The following SLC25A26 variants were observed in gnomAD, a reference collection of about 807,000 sequenced individuals.
SLC25A26 encodes the protein mitochondrial S-adenosylmethionine carrier protein.
In SLC25A26, 36 loss-of-function variants were observed where a neutral mutation model predicts 37.8. The ratio of observed to expected loss-of-function variants is 0.95; its 90% CI spans 0.73 to 1.26. The LOEUF is 1.26. Among genes scored for constraint, SLC25A26 ranks in the 50% most tolerant of loss-of-function variants. The pLI, the probability that SLC25A26 is intolerant of heterozygous loss-of-function variation, is 0.00. For missense variants in SLC25A26, 390 were observed against 331.1 expected (o/e 1.18, Z -1.38); for synonymous variants, 129 against 122.5 (o/e 1.05, Z -0.35).
rs1270525731 is a variant in SLC25A26 at position 66,369,495 on chromosome 3, G to T, written c.586G>T (p.Val196Phe). 1 of 1,605,266 alleles carries T rather than the reference G, an allele frequency of 6.2e-7. No individual in the cohort carries two copies. The highest frequency in any genetic ancestry group is 1.3e-5 in the African/African-American group (1 of 74,846). ...TTGTACAGGTGGATTTGCCGCTGCAGTCACCACCCCTCTAGACGTGGCAAA... is the reference window on the plus strand; with the variant it reads ...TTGTACAGGTGGATTTGCCGCTGCATTCACCACCCCTCTAGACGTGGCAAA... ...GAFAGGFAAA[V>F]TTPLDVAKTR... Residue 196 changes from valine to phenylalanine, a missense_variant, in exon 8 of 10, where the codon GTC (valine) becomes TTC (phenylalanine). By Grantham distance (50) the Val-to-Phe change is conservative. Coordinates refer to ENST00000354883, the MANE Select transcript of SLC25A26 (RefSeq NM_001379210.1).
Position 66,323,132 on chromosome 3 carries a change from G to A in SLC25A26, c.454-23232G>A, listed in dbSNP as rs1306065215. 3.3e-5 allele frequency among the ~76,000 whole-genome samples: 5 copies of A among 152,164 alleles called. 1 individual carries two copies. Among genetic ancestry groups the A allele is most frequent in the Admixed American group, 3.3e-4 (5 of 15,278 alleles). ...TGCCTCTTTCCTCTCTGAGGTGGAA[G>A]AGCATGAGGCTACTAATGTGTGTAA... On this transcript the variant is annotated intron_variant, in intron 5 of 9. Coordinates refer to ENST00000354883, the MANE Select transcript of SLC25A26 (RefSeq NM_001379210.1).
intron 5 of SLC25A26, among the ~76,000 whole-genome samples, chr3:66,302,116 T>C (rs921960645): frequency 6.6e-6 from 1 of 152,222 alleles, no homozygotes; most frequent in Non-Finnish European, 1.5e-5. Flanking sequence ...TCACTTAGCT[T>C]TATCCCCAGT....
At chr3:66,376,770 G>A (rs1018630112) in intron 9 of SLC25A26, among the ~76,000 whole-genome samples, 8 of 152,284 alleles carry the variant, frequency 5.3e-5, no homozygotes, top group African/African-American at 1.9e-4. Flanking sequence ...AAGGTTCAAA[G>A]GTTATGGAAG....
chr3:66,357,831 G>C (rs1207498259), intron 6 of SLC25A26, among the ~76,000 whole-genome samples: 1 of 152,128 alleles, frequency 6.6e-6, no homozygotes, highest in East Asian at 1.9e-4. Context: ...GTATATGATA[G>C]TGAGGAAACA....
intron 5 of SLC25A26, among the ~76,000 whole-genome samples, chr3:66,310,234 AC>A (rs975337052): frequency 6.6e-6 from 1 of 151,768 alleles, no homozygotes; most frequent in Non-Finnish European, 1.5e-5. Context: ...TGTTGAATTG[AC>A]CCCTTTGCCG....
At chr3:66,283,853 A>C (rs765174675) in intron 5 of SLC25A26, among the ~76,000 whole-genome samples, 3 of 152,228 alleles carry the variant, frequency 2.0e-5, no homozygotes, top group Non-Finnish European at 4.4e-5. Context: ...TGAGACTTCT[A>C]TCTCTTGAAC....
intron 6 of SLC25A26, among the ~76,000 whole-genome samples, chr3:66,354,723 C>T (rs1014558502): frequency 1.3e-5 from 2 of 152,034 alleles, no homozygotes; most frequent in Non-Finnish European, 2.9e-5. Context: ...AATCTGGTGT[C>T]GGGGAGGAAC....
chr3:66,225,246 T>A (rs941005801), intron 1 of SLC25A26, among the ~76,000 whole-genome samples: 1 of 152,148 alleles, frequency 6.6e-6, no homozygotes, highest in African/African-American at 2.4e-5. Flanking sequence ...GGCCTGGACA[T>A]CCCGACGTTT....
chr3:66,289,373 T>G (rs1046485868), intron 5 of SLC25A26, among the ~76,000 whole-genome samples: 2 of 152,194 alleles, frequency 1.3e-5, no homozygotes, highest in African/African-American at 4.8e-5. Context: ...TTGCTTTTGG[T>G]GTTTTAGTCA....
intron 3 of SLC25A26, among the ~76,000 whole-genome samples, chr3:66,260,459 G>A (rs2073481459): frequency 6.6e-6 from 1 of 152,216 alleles, no homozygotes; most frequent in Admixed American, 6.5e-5. Flanking sequence ...ATATCGTTTT[G>A]TAAATCTTGT....
chr3:66,342,279 G>T (rs2076226809), intron 5 of SLC25A26, among the ~76,000 whole-genome samples: 1 of 151,996 alleles, frequency 6.6e-6, no homozygotes, highest in South Asian at 2.1e-4. Context: ...AGAGAGTTCT[G>T]GGTTATTTCT....
At position 66,378,089 on chromosome 3, in the gene SLC25A26, C is replaced by G. The variant is rs1055445548; in HGVS notation, c.*282C>G. On this transcript the variant is annotated 3_prime_UTR_variant, in exon 10 of 10. Transcript: ENST00000354883. ...AAGTTTGGTAATGCTGAGGCCAGGC[C>G]TTTTAGAGCTTTCATTTGATCTGTA... is the stretch of plus-strand genomic sequence containing the variant. The G allele has an allele frequency of 8.7e-5, 26 of 298,656 alleles. No homozygotes were observed. The highest frequency in any genetic ancestry group is 5.3e-4 in the African/African-American group (25 of 47,616). The allele number at this position is 298,656 out of a possible 1,614,324, so 18.5% of individuals were successfully genotyped here. A position where few individuals can be genotyped will look rare whatever the true frequency, so the allele number is the denominator to read the frequency against.
At chr3:66,373,573 C>T (rs555272961) in intron 9 of SLC25A26, among the ~76,000 whole-genome samples, 33 of 152,168 alleles carry the variant, frequency 2.2e-4, no homozygotes, top group Admixed American at 1.5e-3. Context: ...CTCTTTCCTT[C>T]GTAAGGTAGG....
chr3:66,312,462 G>A (rs985614059), intron 5 of SLC25A26, among the ~76,000 whole-genome samples: 1 of 151,988 alleles, frequency 6.6e-6, no homozygotes, highest in African/African-American at 2.4e-5. Flanking sequence ...TTGGCTTCCT[G>A]GCTTCAGCCC....
chr3:66,205,947 A>G lies in SLC25A26; in HGVS notation c.-353-14795A>G, dbSNP rs905037965. 7.2e-5 allele frequency among the ~76,000 whole-genome samples: 11 copies of G among 152,322 alleles called. No homozygotes were observed. The East Asian group carries it at 1.7e-3, about 24-fold the overall frequency. On this transcript the variant is annotated intron_variant, in intron 1 of 10. Coordinates refer to the SLC25A26 transcript ENST00000676754. ...TTAAAAAAGTGAGGCAGAAAAAGGG[A>G]AAAAATTGATAAAGTATGCGTAATA...
intron 5 of SLC25A26, among the ~76,000 whole-genome samples, chr3:66,316,389 GA>G (rs1453800186): frequency 5.3e-5 from 8 of 152,164 alleles, no homozygotes; most frequent in Admixed American, 5.2e-4. Context: ...ACTTTGGCCA[GA>G]TACGAAATTC....
intron 5 of SLC25A26, among the ~76,000 whole-genome samples, chr3:66,291,767 G>A (rs369435005): frequency 3.3e-5 from 5 of 152,188 alleles, no homozygotes; most frequent in South Asian, 2.1e-4. Flanking sequence ...TCAGAAGAAT[G>A]TATATTCTTT....
chr3:66,232,662 A>G (rs2072088375), intron 1 of SLC25A26, among the ~76,000 whole-genome samples: 1 of 152,220 alleles, frequency 6.6e-6, no homozygotes, highest in Non-Finnish European at 1.5e-5. Context: ...ATTTAGAGGA[A>G]AAGATCCAGG....
chr3:66,345,674 AC>A, intron 5 of SLC25A26, among the ~76,000 whole-genome samples: 1 of 149,612 alleles, frequency 6.7e-6, no homozygotes, highest in East Asian at 2.0e-4. Context: ...CTCTCCCACC[AC>A]CCCTTACCTT....
Sources: allele counts gnomAD v4.1 joint callset (sites outside exome capture counted in the v4.1 genomes callset), GRCh38; gene constraint gnomAD v4.1.1; transcripts MANE v1.5; gene names NCBI Gene and HGNC (gene_info 2026-07-23, HGNC 2026-07-21).